The following ZNF385D variants were observed in gnomAD, a reference collection of about 807,000 sequenced individuals.
ZNF385D encodes the protein zinc finger protein 385D, also known as zinc finger protein 659.
Under a neutral mutation model 35.8 loss-of-function variants are expected in ZNF385D, and 15 were observed. That is an observed-to-expected ratio of 0.42 (90% CI 0.28 to 0.64). ZNF385D has a LOEUF of 0.64. ZNF385D is among the 30% of genes least tolerant of loss of function. The pLI is 0.23. For missense variants in ZNF385D, 474 were observed against 494.6 expected, an observed-to-expected ratio of 0.96 and a Z score of 0.39; for synonymous variants, 212 against 186.8, an observed-to-expected ratio of 1.13 and a Z score of -1.10.
At chr3:22,097,177 T>C (rs1701678002) in intron 3 of ZNF385D, among the ~76,000 whole-genome samples, 1 of 152,136 alleles carries the variant, frequency 6.6e-6, no homozygotes, top group Non-Finnish European at 1.5e-5. Flanking sequence ...CAGAATCCTT[T>C]CTGAATTGTA....
At position 21,627,805 on chromosome 3, in the gene ZNF385D, G is replaced by A. The variant is rs189946608; in HGVS notation, c.165+37081C>T. On this transcript the variant is annotated intron_variant, in intron 2 of 7. Coordinates refer to ENST00000281523, the MANE Select transcript of ZNF385D (RefSeq NM_024697.3). Reference sequence around the variant, plus strand: ...AGGAAATTTTCTATTAAAGTTCATCGTCCCAGTCACTTATAAGGAAAGAGG... The same window carrying A: ...AGGAAATTTTCTATTAAAGTTCATCATCCCAGTCACTTATAAGGAAAGAGG... Among the ~76,000 whole-genome samples, 4 of 152,134 alleles carry A rather than the reference G, an allele frequency of 2.6e-5. No individual in the cohort carries two copies. In the East Asian group the frequency reaches 5.8e-4, roughly 22 times the overall value.
At chr3:22,191,879 T>C (rs537452690) in intron 2 of ZNF385D, among the ~76,000 whole-genome samples, 1 of 150,506 alleles carries the variant, frequency 6.6e-6, no homozygotes, top group South Asian at 2.1e-4. Context: ...TTACTACTGA[T>C]GCTTATTAAA....
At chr3:22,047,872 C>A (rs1166810247) in intron 3 of ZNF385D, among the ~76,000 whole-genome samples, 2 of 152,118 alleles carry the variant, frequency 1.3e-5, no homozygotes, top group African/African-American at 2.4e-5. Context: ...CATTCAGATA[C>A]AAGGCTTCCC....
intron 3 of ZNF385D, among the ~76,000 whole-genome samples, chr3:22,028,217 G>A (rs577474115): frequency 2.0e-5 from 3 of 152,272 alleles, no homozygotes; most frequent in South Asian, 2.1e-4. Flanking sequence ...TATTCCATGT[G>A]ATATTAACCA....
chr3:21,743,055 A>C (rs2069595373), intron 1 of ZNF385D, among the ~76,000 whole-genome samples: 1 of 152,202 alleles, frequency 6.6e-6, no homozygotes, highest in African/African-American at 2.4e-5. Context: ...TATTATTATT[A>C]TTCTCCTTTT....
At chr3:22,164,864 AAGACAC>A (rs1251395980) in intron 3 of ZNF385D, among the ~76,000 whole-genome samples, 2 of 152,202 alleles carry the variant, frequency 1.3e-5, no homozygotes, top group African/African-American at 4.8e-5. Flanking sequence ...AAGCCATAAA[AAGACAC>A]AGAGAAAAGT....
At chr3:21,900,564 G>C (rs1231925324) in intron 3 of ZNF385D, among the ~76,000 whole-genome samples, 2 of 151,980 alleles carry the variant, frequency 1.3e-5, no homozygotes, top group Non-Finnish European at 2.9e-5. Context: ...TAGGTTCTTA[G>C]AAAAATAGCA....
chr3:22,174,569 T>C (rs1347796307), intron 2 of ZNF385D, among the ~76,000 whole-genome samples: 1 of 152,134 alleles, frequency 6.6e-6, no homozygotes, highest in Non-Finnish European at 1.5e-5. Flanking sequence ...AATTTACATA[T>C]CTAGAAGACA....
intron 3 of ZNF385D, among the ~76,000 whole-genome samples, chr3:22,123,770 G>A (rs1190801484): frequency 3.3e-5 from 5 of 151,964 alleles, no homozygotes; most frequent in Non-Finnish European, 7.4e-5. Context: ...CCGAGGCAGG[G>A]AGAATTGCTT....
chr3:21,957,628 CT>C (rs1333882853), intron 3 of ZNF385D, among the ~76,000 whole-genome samples: 1 of 152,118 alleles, frequency 6.6e-6, no homozygotes, highest in African/African-American at 2.4e-5. Flanking sequence ...TGGTGTTCTG[CT>C]TATGTTGGGG....
At chr3:22,239,172 G>C (rs757553631) in intron 2 of ZNF385D, among the ~76,000 whole-genome samples, 27 of 150,970 alleles carry the variant, frequency 1.8e-4, no homozygotes, top group Non-Finnish European at 3.1e-4. Flanking sequence ...CTTTTTTCTA[G>C]AACAAGAGTT....
intron 2 of ZNF385D, among the ~76,000 whole-genome samples, chr3:22,279,015 T>C (rs2125375591): frequency 6.6e-6 from 1 of 152,224 alleles, no homozygotes; most frequent in African/African-American, 2.4e-5. Flanking sequence ...CTACATTCTA[T>C]GGCGTCCACT....
intron 3 of ZNF385D, among the ~76,000 whole-genome samples, chr3:22,085,251 G>A (rs1214978772): frequency 2.6e-5 from 4 of 152,002 alleles, no homozygotes; most frequent in Non-Finnish European, 4.4e-5. Context: ...GAAGGAGATA[G>A]AATCATAAAA....
At chr3:21,650,463 AT>A (rs1167685989) in intron 2 of ZNF385D, among the ~76,000 whole-genome samples, 1 of 152,158 alleles carries the variant, frequency 6.6e-6, no homozygotes, top group African/African-American at 2.4e-5. Context: ...AACATGATAC[AT>A]AGATGAGAAA....
intron 3 of ZNF385D, among the ~76,000 whole-genome samples, chr3:22,167,466 T>C (rs578143036): frequency 1.3e-5 from 2 of 152,304 alleles, no homozygotes; most frequent in East Asian, 3.9e-4. Flanking sequence ...TAAATTATTC[T>C]CTACCCTTCT....
chr3:22,043,476 T>G (rs557125201), intron 3 of ZNF385D, among the ~76,000 whole-genome samples: 1 of 148,614 alleles, frequency 6.7e-6, no homozygotes, highest in Non-Finnish European at 1.5e-5. Context: ...ATTATCAAAT[T>G]TATTTATGTA....
chr3:21,904,170 G>C (rs1699554712), intron 3 of ZNF385D, among the ~76,000 whole-genome samples: 1 of 151,816 alleles, frequency 6.6e-6, no homozygotes, highest in South Asian at 2.1e-4. Flanking sequence ...TGGGTGTGGT[G>C]ACAAGTACCT....
chr3:21,762,085 G>A (rs1322634925), intron 3 of ZNF385D, among the ~76,000 whole-genome samples: 1 of 151,670 alleles, frequency 6.6e-6, no homozygotes, highest in Non-Finnish European at 1.5e-5. Flanking sequence ...CACCATATTG[G>A]CCAGGATGGT....
At chr3:22,082,291 T>G (rs1397028846) in intron 3 of ZNF385D, among the ~76,000 whole-genome samples, 1 of 152,018 alleles carries the variant, frequency 6.6e-6, no homozygotes, top group African/African-American at 2.4e-5. Context: ...GAATTCCCTT[T>G]CCTAGCCAAG....
Sources: gnomAD v4.1 joint callset for allele counts (sites outside exome capture counted in the v4.1 genomes callset) on GRCh38, gnomAD v4.1.1 for gene constraint, MANE v1.5 for transcripts, NCBI Gene and HGNC (gene_info 2026-07-23, HGNC 2026-07-21) for gene names.